The following SPAM1 variants were observed in gnomAD, a reference collection of about 807,000 sequenced individuals.
The protein encoded by SPAM1 is sperm adhesion molecule 1, also known as hyaluronidase PH-20.
SPAM1 carries 22 observed loss-of-function variants against 29.6 expected under a neutral mutation model. That is an observed-to-expected ratio of 0.74 (90% CI 0.53 to 1.06). The LOEUF is 1.06. Among genes scored for constraint, SPAM1 ranks in the 50% least tolerant of loss-of-function variants. The pLI, the probability that SPAM1 is intolerant of heterozygous loss-of-function variation, is 0.00. For missense variants in SPAM1, 534 were observed against 604.0 expected, an observed-to-expected ratio of 0.88 and a Z score of 1.21; for synonymous variants, 194 against 204.6, an observed-to-expected ratio of 0.95 and a Z score of 0.44.
At chr7:123,947,661 C>T (rs1043779110) in intron 1 of SPAM1, 9 of 152,058 alleles carry the variant, frequency 5.9e-5, no homozygotes, top group African/African-American at 2.2e-4. Flanking sequence ...TTAAATCTTC[C>T]TTTAATTGAC....
chr7:123,928,495 G>A (rs1007788426), intron 1 of SPAM1, among the ~76,000 whole-genome samples: 2 of 152,144 alleles, frequency 1.3e-5, no homozygotes, highest in Non-Finnish European at 2.9e-5. Flanking sequence ...AACTAGAAAG[G>A]CATGATGGAT....
intron 4 of SPAM1, 79 bp from the exon 5 acceptor site, chr7:123,959,405 T>C (rs189121378): frequency 2.1e-6 from 2 of 957,556 alleles, no homozygotes; most frequent in Admixed American, 5.2e-5. Context: ...TGTAAAAAAA[T>C]TGCTTAATAC....
intron 1 of SPAM1, among the ~76,000 whole-genome samples, chr7:123,928,241 T>C (rs1469827579): frequency 6.6e-6 from 1 of 152,172 alleles, no homozygotes; most frequent in Non-Finnish European, 1.5e-5. Flanking sequence ...CCATTGACTG[T>C]GCACTCAGTA....
At chr7:123,950,687 A>G (rs991668587) in intron 2 of SPAM1, among the ~76,000 whole-genome samples, 3 of 152,148 alleles carry the variant, frequency 2.0e-5, no homozygotes, top group Non-Finnish European at 4.4e-5. Flanking sequence ...GGTTGATTCC[A>G]TGACTTTGCT....
intron 1 of SPAM1, among the ~76,000 whole-genome samples, chr7:123,940,413 A>T (rs1808395166): frequency 6.6e-6 from 1 of 152,002 alleles, no homozygotes; most frequent in African/African-American, 2.4e-5. Flanking sequence ...CCCCAAAGGA[A>T]TTATCTTCCA....
Position 123,959,736 on chromosome 7 carries a change from T to A in SPAM1, c.1297T>A (p.Phe433Ile). 6.2e-7 allele frequency: 1 copy of A among 1,613,268 alleles called. No homozygotes were observed. The highest frequency in any genetic ancestry group is 8.5e-7 in the Non-Finnish European group (1 of 1,179,556). The change falls in exon 5 of 5, where the codon TTT (phenylalanine) becomes ATT (isoleucine). Residue 433 changes from phenylalanine to isoleucine, a missense_variant. By Grantham distance (21) the Phe-to-Ile change is conservative. Transcript: ENST00000682466. ...LEDLEQFSEK[F>I]YCSCYSTLSC... Reference sequence around the variant, plus strand: ...AGACCTGGAGCAATTTTCTGAAAAATTTTATTGCAGCTGTTATAGCACCTT... The same window carrying A: ...AGACCTGGAGCAATTTTCTGAAAAAATTTATTGCAGCTGTTATAGCACCTT...
At chr7:123,965,234 A>C (rs1473328171) in intron 5 of SPAM1, among the ~76,000 whole-genome samples, 1 of 151,956 alleles carries the variant, frequency 6.6e-6, no homozygotes, top group African/African-American at 2.4e-5. Context: ...AAGTCAAGTA[A>C]CATTATAACA....
intron 1 of SPAM1, among the ~76,000 whole-genome samples, chr7:123,928,279 C>G (rs914583985): frequency 2.6e-5 from 4 of 152,036 alleles, no homozygotes; most frequent in Non-Finnish European, 5.9e-5. Flanking sequence ...ATATGTGAGG[C>G]CCAGATACTA....
chr7:123,970,180 C>A, intron 5 of SPAM1: 1 of 1,547,666 alleles, frequency 6.5e-7, no homozygotes, highest in Non-Finnish European at 8.7e-7. Flanking sequence ...AATTAATTTT[C>A]TTATGGTTTT....
rs757030216 is a variant in SPAM1, at chr7:123,954,220, G to T, written c.650G>T (p.Gly217Val). The T allele has an allele frequency of 6.2e-7, 1 of 1,613,506 alleles. No individual in the cohort carries two copies. Among genetic ancestry groups the T allele is most frequent in the Admixed American group, 1.7e-5 (1 of 59,852 alleles). Reference sequence around the variant, plus strand: ...TTACTTCGGCCAAATCACTTGTGGGGTTATTATCTTTTTCCGGATTGTTAC... The same window carrying T: ...TTACTTCGGCCAAATCACTTGTGGGTTTATTATCTTTTTCCGGATTGTTAC... ...GKLLRPNHLW[G>V]YYLFPDCYNH... Residue 217 changes from glycine (G) to valine (V), a missense_variant, in exon 3 of 5, where the codon GGT becomes GTT. Transcript: ENST00000682466.
chr7:123,955,134 GT>G (rs773532696), intron 4 of SPAM1, 48 bp downstream of exon 4: 23 of 1,302,978 alleles, frequency 1.8e-5, no homozygotes, highest in Middle Eastern at 3.7e-4. Flanking sequence ...TATGTTTAAT[GT>G]TTTTGGGGAT....
At chr7:123,969,544 T>C (rs1274773447) in intron 5 of SPAM1, among the ~76,000 whole-genome samples, 1 of 152,006 alleles carries the variant, frequency 6.6e-6, no homozygotes, top group Non-Finnish European at 1.5e-5. Context: ...TTGAAAAGGG[T>C]GTCTTTTCCC....
Position 123,953,751 on chromosome 7 carries a change from CT to C in SPAM1, c.183del (p.Gly62GlufsTer7). 6.2e-7 allele frequency: 1 copy of C among 1,612,890 alleles called. No individual in the cohort carries two copies. The highest frequency in any genetic ancestry group is 8.5e-7 in the Non-Finnish European group (1 of 1,179,580). On this transcript the variant is annotated frameshift_variant, in exon 3 of 5. Coordinates refer to ENST00000682466, the MANE Select transcript of SPAM1 (RefSeq NM_153189.3). LOFTEE classifies it high-confidence loss of function. ...WAWNAPSEFC[L>X]GKFDEPLDMS... ...CTGGAATGCCCCAAGTGAATTTTGT[CT>C]TGGAAAATTTGATGAGCCACTAGAT...
chr7:123,931,850 A>G (rs192221807), intron 1 of SPAM1, among the ~76,000 whole-genome samples: 1 of 152,324 alleles, frequency 6.6e-6, no homozygotes, highest in African/African-American at 2.4e-5. Flanking sequence ...GAACATAAAA[A>G]GCGATGAAAG....
chr7:123,954,187 T>C lies in SPAM1; in HGVS notation c.617T>C (p.Leu206Ser). The C allele has an allele frequency of 2.5e-6, 4 of 1,613,522 alleles. No homozygotes were observed. Among genetic ancestry groups the C allele is most frequent in the Non-Finnish European group, 3.4e-6 (4 of 1,179,712 alleles). ...GKDFLVETIK[L>S]GKLLRPNHLW... ...GATTTCCTGGTAGAGACTATAAAAT[T>C]GGGAAAATTACTTCGGCCAAATCAC... The change falls in exon 3 of 5, where the codon TTG becomes TCG. Residue 206 changes from leucine to serine, a missense_variant. Coordinates refer to ENST00000682466, the MANE Select transcript of SPAM1 (RefSeq NM_153189.3).
intron 4 of SPAM1, among the ~76,000 whole-genome samples, chr7:123,957,831 A>G (rs1215881698): frequency 6.6e-6 from 1 of 151,996 alleles, no homozygotes; most frequent in Non-Finnish European, 1.5e-5. Context: ...AGGCCAGTAC[A>G]TTCCTTAGCT....
chr7:123,926,566 G>C (rs1248972992), intron 1 of SPAM1, among the ~76,000 whole-genome samples: 1 of 152,154 alleles, frequency 6.6e-6, no homozygotes, highest in Non-Finnish European at 1.5e-5. Flanking sequence ...CAGCCCTTAG[G>C]AGGTCCTGAG....
At chr7:123,942,079 G>A (rs1312604693) in intron 1 of SPAM1, among the ~76,000 whole-genome samples, 1 of 152,214 alleles carries the variant, frequency 6.6e-6, no homozygotes, top group Non-Finnish European at 1.5e-5. Context: ...GTTTATGTAT[G>A]TAAATAGGTT....
At chr7:123,950,752 G>T (rs1036177664) in intron 2 of SPAM1, among the ~76,000 whole-genome samples, 1 of 151,998 alleles carries the variant, frequency 6.6e-6, no homozygotes, top group African/African-American at 2.4e-5. Context: ...TTTATATAAC[G>T]ATTTCTTTTC....
Sources: allele counts gnomAD v4.1 joint callset (sites outside exome capture counted in the v4.1 genomes callset), GRCh38; gene constraint gnomAD v4.1.1; transcripts MANE v1.5; gene names NCBI Gene and HGNC (gene_info 2026-07-23, HGNC 2026-07-21).